The following TMPRSS9 variants were observed in gnomAD, a reference collection of about 807,000 sequenced individuals.
TMPRSS9 encodes transmembrane protease serine 9.
A neutral mutation model predicts 111.4 loss-of-function variants in TMPRSS9; 113 were observed. The observed-to-expected ratio is 1.01, with a 90% CI of 0.87 to 1.19. TMPRSS9 has a LOEUF of 1.19. Among genes scored for constraint, TMPRSS9 ranks in the 50% most tolerant of loss-of-function variants. The pLI, the probability that TMPRSS9 is intolerant of heterozygous loss-of-function variation, is 0.00. For missense variants in TMPRSS9, 1,803 were observed against 1,513.1 expected (o/e 1.19, Z -3.18); for synonymous variants, 805 against 659.1 (o/e 1.22, Z -3.39).
chr19:2,400,711 T>C (rs1004643265), intron 4 of TMPRSS9, among the ~76,000 whole-genome samples: 11 of 151,838 alleles, frequency 7.2e-5, no homozygotes, highest in South Asian at 4.2e-4. Context: ...TGGTGGCTCA[T>C]GCCTGTAATC....
intron 9 of TMPRSS9, 45 bp downstream of exon 10, chr19:2,410,439 C>A: frequency 6.2e-7 from 1 of 1,607,188 alleles, no homozygotes; most frequent in East Asian, 2.2e-5. Flanking sequence ...CAGAAATAGA[C>A]ACGAGCATGT....
intron 1 of TMPRSS9, among the ~76,000 whole-genome samples, chr19:2,372,990 C>G (rs1375608335): frequency 6.6e-6 from 1 of 151,804 alleles, no homozygotes; most frequent in African/African-American, 2.4e-5. Context: ...CACCACCACC[C>G]CTGGCTAATT....
At chr19:2,389,311 G>C (rs1568174538), upstream of TMPRSS9, among the ~76,000 whole-genome samples, 1 of 150,936 alleles carries the variant, frequency 6.6e-6, no homozygotes, top group Non-Finnish European at 1.5e-5. Context: ...TTGACCTCAA[G>C]TGATTCACCC....
rs545561295 is a variant in TMPRSS9, at chr19:2,418,250, C to G, written c.2154+112C>G. The stretch of plus-strand genomic sequence containing the variant: ...ATTTTTTTCCTTTCTTTCCTTCCCC[C>G]CCTCCTTCCCTCCTTGTCCTTCCCT... On this transcript the variant is annotated intron_variant, in intron 13 of 17. Coordinates refer to ENST00000648592, the Ensembl canonical transcript of TMPRSS9. The G allele has an allele frequency of 6.2e-6, 7 of 1,136,728 alleles. 1 individual carries two copies. Among genetic ancestry groups the G allele is most frequent in the East Asian group, 5.4e-5 (2 of 37,114 alleles). The allele number at this position is 1,136,728 out of a possible 1,614,324, so 70.4% of individuals were successfully genotyped here. A position where few individuals can be genotyped will look rare whatever the true frequency, so the allele number is the denominator to read the frequency against.
intron 1 of TMPRSS9, among the ~76,000 whole-genome samples, chr19:2,384,531 T>C (rs1184752504): frequency 6.7e-6 from 1 of 150,108 alleles, no homozygotes; most frequent in Non-Finnish European, 1.5e-5. Context: ...ATTAGCTGGG[T>C]GTGGTCAGGC....
rs145601770 is a variant in TMPRSS9 at position 2,415,825 on chromosome 19, G to A, written c.1729G>A (p.Ala577Thr). 3.0e-4 allele frequency: 479 copies of A among 1,596,072 alleles called. 1 individual carries two copies. The African/African-American group carries it at 5.0e-3, about 17-fold the overall frequency. Reference sequence around the variant, plus strand: ...GGGGGACCGCTGGCTGCTGTCTGCCGCCCACTGCTTCAACCAGTAAGGCCC... The same window carrying A: ...GGGGGACCGCTGGCTGCTGTCTGCCACCCACTGCTTCAACCAGTAAGGCCC... The change falls in exon 11 of 18, where the codon GCC becomes ACC. Residue 577 changes from alanine (A) to threonine (T), a missense_variant. Ala to Thr is a moderately conservative substitution (Grantham distance 58). Coordinates refer to ENST00000648592, the Ensembl canonical transcript of TMPRSS9.
intron 12 of TMPRSS9, among the ~76,000 whole-genome samples, chr19:2,417,466 C>CA (rs61320761): frequency 0.019 from 2,077 of 106,966 alleles, 44 homozygotes; most frequent in African/African-American, 0.05. Context: ...ACTCCCATCT[C>CA]AAAAAAAAAA....
At chr19:2,361,631 C>T (rs372349655) in intron 1 of TMPRSS9, among the ~76,000 whole-genome samples, 3 of 152,122 alleles carry the variant, frequency 2.0e-5, no homozygotes, top group East Asian at 1.9e-4. Context: ...CCGGGAATGA[C>T]CCACATTCTG....
chr19:2,389,159 C>T (rs373466371), upstream of TMPRSS9, among the ~76,000 whole-genome samples: 4 of 150,966 alleles, frequency 2.6e-5, no homozygotes, highest in African/African-American at 4.9e-5. Context: ...CTGCAACCTC[C>T]GCCTCCCGGG....
At chr19:2,405,701 G>A (rs567776625) in intron 7 of TMPRSS9, among the ~76,000 whole-genome samples, 156 bp downstream of exon 8, 1 of 146,600 alleles carries the variant, frequency 6.8e-6, no homozygotes, top group Non-Finnish European at 1.5e-5. Flanking sequence ...GAATCTGAGG[G>A]CATTCTTTTT....
Position 2,360,580 on chromosome 19 carries a change from A to AGGTTGTGTAGATGCGGCCAG in TMPRSS9, c.-26+229_-26+248dup, listed in dbSNP as rs1362393672. 3.3e-5 allele frequency among the ~76,000 whole-genome samples: 5 copies of AGGTTGTGTAGATGCGGCCAG among 151,444 alleles called. 1 individual carries two copies. The South Asian group carries it at 1.0e-3, about 31-fold the overall frequency. On this transcript the variant is annotated intron_variant, in intron 1 of 17. Transcript: ENST00000649857. ...GCCACTGGGGTGTGTAGACATGGCC[A>AGGTTGTGTAGATGCGGCCAG]GGTTGTGTAGATGCGGCCAGGGTTG... is the stretch of plus-strand genomic sequence containing the variant.
At position 2,422,095 on chromosome 19, in the gene TMPRSS9, C is replaced by CG. The variant is rs1971479161; in HGVS notation, c.2401dup (p.Ala801GlyfsTer31). 1 of 1,606,776 alleles carries CG rather than the reference C, an allele frequency of 6.2e-7. No individual in the cohort carries two copies. Among genetic ancestry groups the CG allele is most frequent in the Non-Finnish European group, 8.5e-7 (1 of 1,176,116 alleles). On this transcript the variant is annotated frameshift_variant, in exon 14 of 18. Coordinates refer to ENST00000648592, the Ensembl canonical transcript of TMPRSS9. LOFTEE classifies it high-confidence loss of function. ...AGGACGACAGCTGGCCTCACAGTCC[C>CG]GGGGGCCACACCCAGCAGACCCACC...
chr19:2,364,860 G>A (rs1395887117), intron 1 of TMPRSS9, among the ~76,000 whole-genome samples: 8 of 151,766 alleles, frequency 5.3e-5, no homozygotes, highest in East Asian at 3.9e-4. Flanking sequence ...GGTGGCGGGC[G>A]CCTGTAATCT....
chr19:2,396,423 T>G, intron 1 of TMPRSS9, 116 bp from the exon 3 acceptor site: 1 of 1,306,914 alleles, frequency 7.7e-7, no homozygotes, highest in Non-Finnish European at 1.0e-6. Flanking sequence ...CCACTGCGTG[T>G]CAGGAGTGAC....
chr19:2,403,531 G>A lies in TMPRSS9; in HGVS notation c.670+336G>A, dbSNP rs553031668. ...ATAAGCAGTGGGGCGTGGCCACAGG[G>A]ATGTGAGCAACGGAAAGAGACAATT... On this transcript the variant is annotated intron_variant, in intron 6 of 17. Coordinates refer to ENST00000648592, the Ensembl canonical transcript of TMPRSS9. 3.3e-5 allele frequency among the ~76,000 whole-genome samples: 5 copies of A among 152,200 alleles called. No homozygotes were observed. The East Asian group carries it at 9.7e-4, about 29-fold the overall frequency.
chr19:2,384,852 T>C (rs559685967), upstream of TMPRSS9, among the ~76,000 whole-genome samples: 3 of 145,172 alleles, frequency 2.1e-5, no homozygotes, highest in Non-Finnish European at 4.5e-5. Context: ...TGTGGTGGCA[T>C]GCACCTGTAA....
chr19:2,396,803 C>T, intron 2 of TMPRSS9, 137 bp downstream of exon 3: 2 of 1,298,826 alleles, frequency 1.5e-6, no homozygotes. Context: ...ACCGGGAGGC[C>T]AGGCCAGGGG....
At chr19:2,386,156 C>T (rs1970470508), upstream of TMPRSS9, among the ~76,000 whole-genome samples, 1 of 152,058 alleles carries the variant, frequency 6.6e-6, no homozygotes, top group Non-Finnish European at 1.5e-5. Context: ...TGCTATGTTG[C>T]CCAGGCTGGT....
chr19:2,411,056 A>G (rs1011039905), intron 9 of TMPRSS9, among the ~76,000 whole-genome samples: 3 of 151,868 alleles, frequency 2.0e-5, no homozygotes, highest in African/African-American at 7.2e-5. Context: ...TCCCAGCACT[A>G]TGCGAGGCCA....
Sources: allele counts gnomAD v4.1 joint callset (sites outside exome capture counted in the v4.1 genomes callset), GRCh38; gene constraint gnomAD v4.1.1; transcripts MANE v1.5; gene names NCBI Gene and HGNC (gene_info 2026-07-23, HGNC 2026-07-21).